The following CDH13 variants were observed in gnomAD, a reference collection of about 807,000 sequenced individuals.
The protein encoded by CDH13 is cadherin 13, also known as cadherin-13.
Under a neutral mutation model 63.8 loss-of-function variants are expected in CDH13, and 24 were observed. The ratio of observed to expected loss-of-function variants is 0.38; its 90% confidence interval spans 0.27 to 0.53. The LOEUF (loss-of-function observed/expected upper bound fraction) is 0.53. CDH13 is among the 20% of genes least tolerant of loss of function. The pLI is 0.85. For synonymous variants in CDH13, 503 were observed against 355.3 expected (o/e 1.42, Z -4.67); for missense variants, 1,049 against 903.1 (o/e 1.16, Z -2.07).
chr16:82,820,778 A>T (rs1348467525), intron 1 of CDH13, among the ~76,000 whole-genome samples: 1 of 152,170 alleles, frequency 6.6e-6, no homozygotes, highest in Non-Finnish European at 1.5e-5. Flanking sequence ...AGGATTATAC[A>T]TTTATGTCCT....
chr16:83,009,976 A>G (rs1043628327), intron 2 of CDH13, among the ~76,000 whole-genome samples: 1 of 151,930 alleles, frequency 6.6e-6, no homozygotes, highest in Non-Finnish European at 1.5e-5. Flanking sequence ...TCTACTAAAA[A>G]TACAAAAAAT....
At chr16:83,253,571 T>C (rs768436285) in intron 5 of CDH13, among the ~76,000 whole-genome samples, 1 of 152,184 alleles carries the variant, frequency 6.6e-6, no homozygotes, top group Non-Finnish European at 1.5e-5. Flanking sequence ...GCTGTCAACC[T>C]CAGGGGCTGC....
chr16:82,824,502 C>A (rs565846595), intron 1 of CDH13: 10 of 152,160 alleles, frequency 6.6e-5, no homozygotes, highest in Non-Finnish European at 1.2e-4. Flanking sequence ...AAAGAAAGAC[C>A]ATATGACATT....
intron 5 of CDH13, among the ~76,000 whole-genome samples, chr16:83,259,848 C>A (rs529038934): frequency 6.6e-6 from 1 of 152,206 alleles, no homozygotes; most frequent in Admixed American, 6.5e-5. Flanking sequence ...AACCACAGCA[C>A]CCCTTCAAGT....
intron 1 of CDH13, among the ~76,000 whole-genome samples, chr16:82,649,552 G>A (rs1910485377): frequency 6.6e-6 from 1 of 152,158 alleles, no homozygotes. Flanking sequence ...GGCTTAAGCA[G>A]CATGGGGGAC....
chr16:82,851,757 C>A (rs2039497897), intron 1 of CDH13, among the ~76,000 whole-genome samples: 1 of 151,994 alleles, frequency 6.6e-6, no homozygotes, highest in South Asian at 2.1e-4. Context: ...AGGCAGTATG[C>A]CTTTGTAAAC....
intron 6 of CDH13, among the ~76,000 whole-genome samples, chr16:83,424,733 C>G (rs1275851020): frequency 2.6e-5 from 4 of 152,180 alleles, no homozygotes; most frequent in African/African-American, 9.7e-5. Context: ...ATTTCTGGTT[C>G]TTTTCTCTCT....
At chr16:83,454,605 T>C (rs749798878) in intron 6 of CDH13, among the ~76,000 whole-genome samples, 5 of 152,256 alleles carry the variant, frequency 3.3e-5, no homozygotes, top group Admixed American at 6.5e-5. Flanking sequence ...TCTAATTTAT[T>C]TGGCCATTTT....
At chr16:83,484,638 T>C (rs996186835) in intron 6 of CDH13, among the ~76,000 whole-genome samples, 5 of 152,252 alleles carry the variant, frequency 3.3e-5, no homozygotes, top group African/African-American at 1.2e-4. Context: ...TCTTTCCCGA[T>C]GACCATGCCA....
chr16:82,880,036 A>G (rs993062601), intron 2 of CDH13, among the ~76,000 whole-genome samples: 8 of 148,620 alleles, frequency 5.4e-5, no homozygotes, highest in African/African-American at 1.2e-4. Flanking sequence ...ATAATCATAT[A>G]ATGGATTAAT....
intron 3 of CDH13, among the ~76,000 whole-genome samples, chr16:83,104,491 G>T (rs2034664712): frequency 6.6e-6 from 1 of 152,068 alleles, no homozygotes; most frequent in Non-Finnish European, 1.5e-5. Flanking sequence ...CCACATAAAA[G>T]AGAAATTATT....
chr16:82,842,147 T>TACAC (rs1235114442), intron 1 of CDH13, among the ~76,000 whole-genome samples: 2 of 21,422 alleles, frequency 9.3e-5, no homozygotes, highest in Non-Finnish European at 2.3e-4. Context: ...TACACATATA[T>TACAC]ATATATATAT....
chr16:83,176,048 C>A (rs564488591), intron 4 of CDH13, among the ~76,000 whole-genome samples: 3 of 149,966 alleles, frequency 2.0e-5, no homozygotes, highest in Non-Finnish European at 4.5e-5. Flanking sequence ...CGGGGTTTCT[C>A]CATGTAGGTC....
chr16:83,087,843 C>G (rs1430860063), intron 3 of CDH13, among the ~76,000 whole-genome samples: 2 of 151,924 alleles, frequency 1.3e-5, no homozygotes, highest in African/African-American at 4.8e-5. Context: ...ACAAATGGGT[C>G]TTATGTATGC....
intron 7 of CDH13, among the ~76,000 whole-genome samples, chr16:83,570,741 AT>A (rs992540598): frequency 9.7e-4 from 140 of 144,194 alleles, no homozygotes; most frequent in Non-Finnish European, 1.8e-3. Context: ...TTTTCTATAT[AT>A]TTTATAAAAA....
In CDH13 at chr16:83,527,174, G is replaced by A. The variant is rs111506589; in HGVS notation, c.960+40519G>A. Among the ~76,000 whole-genome samples the A allele has an allele frequency of 3.9e-5, 6 of 152,016 alleles. 1 individual carries two copies. Among genetic ancestry groups the A allele is most frequent in the East Asian group, 1.9e-4 (1 of 5,172 alleles). On this transcript the variant is annotated intron_variant, in intron 7 of 13. Coordinates refer to ENST00000567109, the MANE Select transcript of CDH13 (RefSeq NM_001257.5). ...TAATTAAAGAATAATTTAAGGCTGG[G>A]CGTGCTGGCTCACACCTGTAATCTC... is the stretch of plus-strand genomic sequence containing the variant.
chr16:82,827,510 G>A (rs1171048008), intron 1 of CDH13, among the ~76,000 whole-genome samples: 14 of 152,202 alleles, frequency 9.2e-5, no homozygotes, highest in Admixed American at 8.5e-4. Context: ...CTCTGTAAGT[G>A]AGGGTGCATA....
intron 5 of CDH13, among the ~76,000 whole-genome samples, chr16:83,270,704 C>T (rs1187815376): frequency 3.3e-5 from 5 of 152,134 alleles, no homozygotes; most frequent in Admixed American, 2.0e-4. Flanking sequence ...TTTCAAGACA[C>T]GTTCCTATCT....
chr16:82,957,041 C>T lies in CDH13; in HGVS notation c.158-74969C>T, dbSNP rs184799932. On this transcript the variant is annotated intron_variant, in intron 2 of 13. Transcript: ENST00000567109. ...AGCTGAATCTTTAAAACCTGGCTTC[C>T]CTCTTATTTTATGGCATTTGTGGAA... is the stretch of plus-strand genomic sequence containing the variant. 2.6e-5 allele frequency among the ~76,000 whole-genome samples: 4 copies of T among 152,210 alleles called. No homozygotes were observed. In the East Asian group the frequency reaches 7.7e-4, roughly 29 times the overall value.
Sources: allele counts gnomAD v4.1 joint callset (sites outside exome capture counted in the v4.1 genomes callset), GRCh38; gene constraint gnomAD v4.1.1; transcripts MANE v1.5; gene names NCBI Gene and HGNC (gene_info 2026-07-23, HGNC 2026-07-21).